Variants in DSCAML1 observed in about 807,000 individuals in gnomAD.
DSCAML1 encodes DS cell adhesion molecule like 1.
Under a neutral mutation model 200.5 loss-of-function variants are expected in DSCAML1, and 38 were observed. The observed-to-expected ratio is 0.19, with a 90% CI of 0.15 to 0.25. The LOEUF (loss-of-function observed/expected upper bound fraction) is 0.25. Among genes scored for constraint, DSCAML1 ranks in the 10% least tolerant of loss-of-function variants. The pLI is 1.00. For missense variants in DSCAML1, 2,223 were observed against 2,858.8 expected, an observed-to-expected ratio of 0.78 and a Z score of 5.07; for synonymous variants, 1,215 against 1,165.0, an observed-to-expected ratio of 1.04 and a Z score of -0.87.
rs2049771980 is a variant in DSCAML1, at chr11:117,516,591, C to T, written c.1659G>A (p.Val553=). Residue 553 remains valine (V), a synonymous_variant, in exon 8 of 33, where the codon GTG becomes GTA. Transcript: ENST00000651296. The surrounding 1 kb of genome is among the most constrained non-coding windows in gnomAD (Gnocchi z 5.7). The stretch of plus-strand genomic sequence containing the variant: ...TCAGCTTGAGGGTCCCATTCTCAAA[C>T]ACCACCTGGCGGTGGTTGTCTGGCA... ...LLLPDNHRQV[V]FENGTLKLTD... 6.2e-7 allele frequency: 1 copy of T among 1,614,118 alleles called. No homozygotes were observed.
intron 3 of DSCAML1, among the ~76,000 whole-genome samples, chr11:117,671,195 CTGTT>C (rs762945686): frequency 2.6e-5 from 4 of 152,296 alleles, no homozygotes; most frequent in East Asian, 3.9e-4. Context: ...TTAAGCTAGA[CTGTT>C]TGTGAAATGG....
At chr11:117,765,959 T>G (rs951812261) in intron 3 of DSCAML1, among the ~76,000 whole-genome samples, 2 of 152,180 alleles carry the variant, frequency 1.3e-5, no homozygotes, top group African/African-American at 4.8e-5. Context: ...GTGGCTTTTT[T>G]CCAGCAACCA....
intron 3 of DSCAML1, among the ~76,000 whole-genome samples, chr11:117,697,458 T>G (rs2137735348): frequency 6.6e-6 from 1 of 152,306 alleles, no homozygotes; most frequent in South Asian, 2.1e-4. Flanking sequence ...AATATAAAAT[T>G]TACCAACCCG....
In DSCAML1 at chr11:117,437,381, G is replaced by A; in HGVS notation, c.4461C>T (p.Leu1487=). The A allele has an allele frequency of 1.2e-6, 2 of 1,614,076 alleles. No individual in the cohort carries two copies. Among genetic ancestry groups the A allele is most frequent in the Middle Eastern group, 1.7e-4 (1 of 6,060 alleles). ...CATGCGTGGAGTTGATGTGGGTGAA[G>A]AGGTGTTGGTCTTTGCTGAAGGAGG... is the stretch of plus-strand genomic sequence containing the variant. The part of the protein sequence containing the change: ...REPSFSKDQH[L]FTHINSTHAR... The change falls in exon 26 of 33, where the codon CTC becomes CTT. Residue 1487 remains leucine (L), a synonymous_variant. Transcript: ENST00000651296. This position sits in a 1 kb window ranked among gnomAD's most constrained non-coding sequence, Gnocchi z 5.3.
chr11:117,453,576 G>A (rs947475536), intron 19 of DSCAML1, among the ~76,000 whole-genome samples: 5 of 151,934 alleles, frequency 3.3e-5, no homozygotes, highest in Admixed American at 3.3e-4. Context: ...ATACATCATT[G>A]TCCTTTTTTC....
chr11:117,488,563 CAG>C (rs1354970432), intron 11 of DSCAML1, among the ~76,000 whole-genome samples: 5 of 152,066 alleles, frequency 3.3e-5, no homozygotes, highest in Admixed American at 3.3e-4. Context: ...ACACCACACA[CAG>C]AGGGGCAGTG....
At chr11:117,728,430 C>T (rs1238175025) in intron 3 of DSCAML1, among the ~76,000 whole-genome samples, 2 of 152,130 alleles carry the variant, frequency 1.3e-5, no homozygotes, top group South Asian at 2.1e-4. Context: ...TGGAGGTTCT[C>T]ACCGGGGCAA....
At chr11:117,586,426 T>G (rs1197356366) in intron 3 of DSCAML1, among the ~76,000 whole-genome samples, 3 of 152,202 alleles carry the variant, frequency 2.0e-5, no homozygotes, top group Non-Finnish European at 4.4e-5. Context: ...AGTTTCCCAC[T>G]GGAGAGACCA....
chr11:117,443,585 G>C (rs1327197021), intron 21 of DSCAML1, among the ~76,000 whole-genome samples: 4 of 152,246 alleles, frequency 2.6e-5, no homozygotes, highest in Non-Finnish European at 4.4e-5. Context: ...CTTTGAATTG[G>C]GGGTAGAGGC....
chr11:117,530,134 G>T (rs1196131928), intron 4 of DSCAML1, among the ~76,000 whole-genome samples: 3 of 152,006 alleles, frequency 2.0e-5, no homozygotes, highest in Non-Finnish European at 4.4e-5. Context: ...TTCTATTTGG[G>T]CTTTATCTGT....
At chr11:117,716,152 C>G (rs1195113236) in intron 3 of DSCAML1, among the ~76,000 whole-genome samples, 2 of 152,206 alleles carry the variant, frequency 1.3e-5, no homozygotes, top group African/African-American at 2.4e-5. Flanking sequence ...GTAGCAAAGG[C>G]CAGGGTTGCT....
At chr11:117,554,789 A>T (rs982343872) in intron 3 of DSCAML1, among the ~76,000 whole-genome samples, 5 of 152,194 alleles carry the variant, frequency 3.3e-5, no homozygotes, top group South Asian at 4.1e-4. Flanking sequence ...AGGGAACAGG[A>T]GCCTGATCTC....
chr11:117,471,802 C>T (rs888098474), intron 15 of DSCAML1, 67 bp downstream of exon 15: 6 of 1,530,904 alleles, frequency 3.9e-6, no homozygotes, highest in Middle Eastern at 2.2e-4. Flanking sequence ...TGAACAGGAT[C>T]GCTGTAGGCC....
chr11:117,803,640 G>A (rs10892175), intron 1 of DSCAML1, among the ~76,000 whole-genome samples: 33,833 of 152,010 alleles, frequency 0.22, 4,443 homozygotes, highest in Non-Finnish European at 0.3. Context: ...ACCTGAATCC[G>A]TCCCAGGAAC....
chr11:117,783,090 C>T (rs1025857130), intron 1 of DSCAML1, among the ~76,000 whole-genome samples: 5 of 152,204 alleles, frequency 3.3e-5, no homozygotes, highest in Non-Finnish European at 7.3e-5. Context: ...CAAGAACACA[C>T]AGGTGCACAC....
rs112510305 is a variant in DSCAML1, at chr11:117,623,543, C to T, written c.512-91021G>A. 2.2e-3 allele frequency among the ~76,000 whole-genome samples: 339 copies of T among 152,146 alleles called. 6 individuals are homozygous for T. Among genetic ancestry groups the T allele is most frequent in the African/African-American group, 7.9e-3 (327 of 41,494 alleles). On this transcript the variant is annotated intron_variant, in intron 3 of 32. Transcript: ENST00000651296. ...ACATGCTAAACTTGCAGTGGAAGGC[C>T]CCTTAGCATGGGATCTAGGGTTAGA...
intron 3 of DSCAML1, among the ~76,000 whole-genome samples, chr11:117,539,412 A>T (rs1185651907): frequency 2.0e-5 from 3 of 152,072 alleles, no homozygotes; most frequent in African/African-American, 4.8e-5. Context: ...GTTCGAGACC[A>T]GCCTGGCCAA....
At chr11:117,732,142 G>T (rs1481536089) in intron 3 of DSCAML1, among the ~76,000 whole-genome samples, 2 of 152,250 alleles carry the variant, frequency 1.3e-5, no homozygotes, top group Non-Finnish European at 2.9e-5. Flanking sequence ...AGACTGCAGA[G>T]CTTTGGGAAG....
intron 1 of DSCAML1, among the ~76,000 whole-genome samples, chr11:117,810,247 T>C (rs2055749973): frequency 6.6e-6 from 1 of 151,422 alleles, no homozygotes; most frequent in Non-Finnish European, 1.5e-5. Context: ...GACCCAAAAC[T>C]CCGTGGACTC....
Sources: allele counts gnomAD v4.1 joint callset (sites outside exome capture counted in the v4.1 genomes callset), GRCh38; gene constraint gnomAD v4.1.1; non-coding constraint Gnocchi (gnomAD v3.1); transcripts MANE v1.5; gene names NCBI Gene and HGNC (gene_info 2026-07-23, HGNC 2026-07-21).